The following SUPT3H variants were observed in gnomAD, a reference collection of about 807,000 sequenced individuals.
SUPT3H encodes transcription initiation protein SPT3 homolog.
SUPT3H carries 44 observed loss-of-function variants against 44.3 expected under a neutral mutation model. That is an observed-to-expected ratio of 0.99 (90% CI 0.78 to 1.28). The LOEUF (loss-of-function observed/expected upper bound fraction) is 1.28, where lower values mean the gene tolerates loss of function less well. Among genes scored for constraint, SUPT3H ranks in the 50% most tolerant of loss-of-function variants. The pLI, the probability that SUPT3H is intolerant of heterozygous loss-of-function variation, is 0.00. For missense variants in SUPT3H, 380 were observed against 387.1 expected (o/e 0.98, Z 0.15); for synonymous variants, 124 against 125.6 (o/e 0.99, Z 0.09).
chr6:44,893,047 T>C (rs2153442931), intron 10 of SUPT3H, among the ~76,000 whole-genome samples: 1 of 152,108 alleles, frequency 6.6e-6, no homozygotes, highest in Middle Eastern at 3.4e-3. Flanking sequence ...CAAAACAATA[T>C]ATACAAACAC....
chr6:45,052,286 A>G (rs775243057), intron 3 of SUPT3H, among the ~76,000 whole-genome samples: 2 of 152,196 alleles, frequency 1.3e-5, no homozygotes, highest in African/African-American at 4.8e-5. Flanking sequence ...TAAAAATGAG[A>G]TTGCTGTAAT....
intron 2 of SUPT3H, among the ~76,000 whole-genome samples, chr6:45,344,918 A>G (rs1790541764): frequency 6.6e-6 from 1 of 152,156 alleles, no homozygotes; most frequent in Non-Finnish European, 1.5e-5. Context: ...TACAAGCAGG[A>G]TAGTTTAGTA....
At chr6:44,922,340 G>C (rs927768648) in intron 10 of SUPT3H, among the ~76,000 whole-genome samples, 11 of 152,138 alleles carry the variant, frequency 7.2e-5, no homozygotes, top group Admixed American at 5.9e-4. Context: ...TTTCATTTTT[G>C]AAAGGTGCAA....
intron 2 of SUPT3H, among the ~76,000 whole-genome samples, chr6:45,293,050 T>C (rs551083885): frequency 4.2e-4 from 64 of 152,100 alleles, no homozygotes; most frequent in African/African-American, 1.5e-3. Flanking sequence ...TTCAACAAGG[T>C]GTGGAACTTT....
intron 2 of SUPT3H, among the ~76,000 whole-genome samples, chr6:45,311,786 C>A (rs752211191): frequency 2.6e-5 from 4 of 152,192 alleles, no homozygotes; most frequent in Middle Eastern, 3.4e-3. Context: ...TACCAAGCAA[C>A]CACTAAAAGA....
rs138295114 is a variant in SUPT3H at position 44,906,014 on chromosome 6, G to T, written c.912+26639C>A. 8.0e-3 allele frequency among the ~76,000 whole-genome samples: 1,222 copies of T among 152,166 alleles called. 52 individuals are homozygous for T. The highest frequency in any genetic ancestry group is 0.075 in the Admixed American group (1,146 of 15,268). ...CACAGGAAGGGGAACATCACACACC[G>T]GGGCCTGTTGTGCGGTGGGGGGATG... On this transcript the variant is annotated intron_variant, in intron 10 of 10. Transcript: ENST00000371459.
rs146458929 is a variant in SUPT3H at position 44,907,004 on chromosome 6, T to C, written c.912+25649A>G. Among the ~76,000 whole-genome samples the C allele has an allele frequency of 2.2e-3, 333 of 152,310 alleles. 1 individual carries two copies. The highest frequency in any genetic ancestry group is 7.6e-3 in the African/African-American group (317 of 41,574). ...CACAACCTTCAAGTGATTAACGTCA[T>C]TGTTTTCTTGCTGTGTCATTACCTT... On this transcript the variant is annotated intron_variant, in intron 10 of 10. Coordinates refer to ENST00000371459, the MANE Select transcript of SUPT3H (RefSeq NM_003599.4).
chr6:45,282,263 G>A (rs1329397194), intron 2 of SUPT3H, among the ~76,000 whole-genome samples: 2 of 152,220 alleles, frequency 1.3e-5, no homozygotes, highest in Non-Finnish European at 1.5e-5. Flanking sequence ...GTTGAGAGAA[G>A]AAGGTTTCAG....
intron 2 of SUPT3H, among the ~76,000 whole-genome samples, chr6:45,354,719 G>T (rs1156705361): frequency 2.0e-5 from 3 of 151,986 alleles, no homozygotes; most frequent in African/African-American, 7.3e-5. Flanking sequence ...AAAGTTTTAG[G>T]CCAGGTGTGG....
At chr6:45,248,202 T>C (rs1040007480) in intron 2 of SUPT3H, among the ~76,000 whole-genome samples, 2 of 151,190 alleles carry the variant, frequency 1.3e-5, no homozygotes, top group South Asian at 2.1e-4. Flanking sequence ...CTAGATATAA[T>C]ACCAAAACCA....
intron 2 of SUPT3H, among the ~76,000 whole-genome samples, chr6:45,235,424 T>A (rs1483567732): frequency 6.6e-6 from 1 of 152,090 alleles, no homozygotes; most frequent in Non-Finnish European, 1.5e-5. Flanking sequence ...GATTCTAATA[T>A]AAATATTATT....
intron 8 of SUPT3H, 51 bp from the exon 9 acceptor site, chr6:44,953,468 C>A (rs371246820): frequency 8.6e-5 from 127 of 1,477,718 alleles, no homozygotes; most frequent in Non-Finnish European, 1.2e-4. Flanking sequence ...ATCATGAATG[C>A]CACTGAAGTG....
chr6:45,164,817 G>A (rs116607984), intron 2 of SUPT3H, among the ~76,000 whole-genome samples: 2,049 of 152,046 alleles, frequency 0.013, 47 homozygotes, highest in African/African-American at 0.047. Flanking sequence ...CGGAAGTTCT[G>A]CTTCTACTTC....
chr6:45,297,496 G>A (rs764383727), intron 2 of SUPT3H, among the ~76,000 whole-genome samples: 11 of 152,132 alleles, frequency 7.2e-5, no homozygotes, highest in South Asian at 2.1e-4. Flanking sequence ...TAAACACTAG[G>A]AGTCCCTCTG....
intron 2 of SUPT3H, among the ~76,000 whole-genome samples, chr6:45,147,774 C>G (rs1370352833): frequency 3.3e-5 from 5 of 151,552 alleles, no homozygotes; most frequent in Non-Finnish European, 5.9e-5. Context: ...AAAGGCAAAT[C>G]TTAGTGCTAG....
intron 10 of SUPT3H, among the ~76,000 whole-genome samples, chr6:44,904,878 C>T (rs1582394883): frequency 6.6e-6 from 1 of 152,222 alleles, no homozygotes; most frequent in East Asian, 1.9e-4. Flanking sequence ...TATCTACAAC[C>T]ATCTGAACTT....
chr6:45,264,503 T>C (rs1479818602), intron 2 of SUPT3H, among the ~76,000 whole-genome samples: 1 of 151,954 alleles, frequency 6.6e-6, no homozygotes, highest in Non-Finnish European at 1.5e-5. Context: ...CTACTTAGAG[T>C]ACAAAAATTA....
intron 2 of SUPT3H, among the ~76,000 whole-genome samples, chr6:45,198,313 A>G (rs1375798126): frequency 6.6e-6 from 1 of 151,448 alleles, no homozygotes; most frequent in Non-Finnish European, 1.5e-5. Context: ...AGCAGCAGAA[A>G]AAAAAGGTAT....
intron 2 of SUPT3H, among the ~76,000 whole-genome samples, chr6:45,335,985 C>A (rs899903456): frequency 5.3e-5 from 8 of 151,222 alleles, no homozygotes; most frequent in Non-Finnish European, 1.0e-4. Flanking sequence ...CAATGTGCTA[C>A]AGTGTATTTC....
Sources: allele counts gnomAD v4.1 joint callset (sites outside exome capture counted in the v4.1 genomes callset), GRCh38; gene constraint gnomAD v4.1.1; transcripts MANE v1.5; gene names NCBI Gene and HGNC (gene_info 2026-07-23, HGNC 2026-07-21).